HIRA: variants seen among roughly 807,000 people sequenced by gnomAD.
HIRA encodes the protein histone cell cycle regulator, also known as protein HIRA.
Under a neutral mutation model 126.6 loss-of-function variants are expected in HIRA, and 13 were observed. That is an observed-to-expected ratio of 0.10 (90% confidence interval 0.07 to 0.16). The LOEUF (loss-of-function observed/expected upper bound fraction) is 0.16. Ranked by LOEUF, HIRA falls within the 10% of genes least tolerant of loss-of-function variation. The pLI, the probability that HIRA is intolerant of heterozygous loss-of-function variation, is 1.00. For missense variants in HIRA, 834 were observed against 1,314.4 expected (o/e 0.63, Z 5.65); for synonymous variants, 511 against 520.0 (o/e 0.98, Z 0.24).
rs544694017 is a variant in HIRA, at chr22:19,360,092, C to T, written c.2086-608G>A. ...CTGGCACCAAATGGGCTCAGCCACA[C>T]GCGTGTGTGGGGAGCTGACCAACAG... is the stretch of plus-strand genomic sequence containing the variant. On this transcript the variant is annotated intron_variant, in intron 17 of 24. Coordinates refer to ENST00000263208, the MANE Select transcript of HIRA (RefSeq NM_003325.4). Among the ~76,000 whole-genome samples, 7 of 152,260 alleles carry T rather than the reference C, an allele frequency of 4.6e-5. No homozygotes were observed. In the South Asian group the frequency reaches 1.0e-3, roughly 23 times the overall value.
At chr22:19,420,124 C>T (rs2089432397) in intron 1 of HIRA, among the ~76,000 whole-genome samples, 1 of 151,626 alleles carries the variant, frequency 6.6e-6, no homozygotes, top group Non-Finnish European at 1.5e-5. Context: ...TTTAGGAGAC[C>T]TTAATCACTT....
At position 19,356,975 on chromosome 22, in the gene HIRA, T is replaced by A. The variant is rs781913337; in HGVS notation, c.2311A>T (p.Ile771Phe). The A allele has an allele frequency of 1.2e-5, 20 of 1,613,618 alleles. No homozygotes were observed. The highest frequency in any genetic ancestry group is 1.6e-5 in the Non-Finnish European group (19 of 1,179,930). ...STCGRRLLSP[I>F]LLPSPISTLH... ...GTAGAGATCGGGGATGGCAGGAGGATGGGAGAGAGGAGACGGCGACCACAG... is the reference window on the plus strand; with the variant it reads ...GTAGAGATCGGGGATGGCAGGAGGAAGGGAGAGAGGAGACGGCGACCACAG... Residue 771 changes from isoleucine (I) to phenylalanine (F), a missense_variant, in exon 19 of 25, where the codon ATC becomes TTC. Ile to Phe is a conservative substitution (Grantham distance 21). Transcript: ENST00000263208.
chr22:19,403,096 A>G (rs991466448), intron 5 of HIRA, among the ~76,000 whole-genome samples: 2 of 139,512 alleles, frequency 1.4e-5, no homozygotes, highest in African/African-American at 6.2e-5. Flanking sequence ...AGTGAGACAC[A>G]GTCTCAAAAA....
chr22:19,378,192 T>C lies in HIRA; in HGVS notation c.1416-126A>G, dbSNP rs533768465. ...TTTTCATGATAGAAAATCTGCAAAG[T>C]TACAGAAAAGTAAAAAGAAAATTAA... On this transcript the variant is annotated intron_variant, in intron 13 of 24. Coordinates refer to ENST00000263208, the MANE Select transcript of HIRA (RefSeq NM_003325.4). 7.6e-4 allele frequency: 474 copies of C among 623,596 alleles called. No homozygotes were observed. Among genetic ancestry groups the C allele is most frequent in the Non-Finnish European group, 1.1e-3 (424 of 400,072 alleles). The allele number at this position is 623,596 out of a possible 1,614,324, so 38.6% of individuals were successfully genotyped here.
chr22:19,347,807 T>C (rs1459060708), intron 24 of HIRA, among the ~76,000 whole-genome samples: 4 of 152,088 alleles, frequency 2.6e-5, no homozygotes, highest in African/African-American at 9.7e-5. Context: ...GGTGTAGTGG[T>C]GTGTGCCTGT....
At position 19,334,128 on chromosome 22, in the gene HIRA, G is replaced by A. The variant is rs554200083; in HGVS notation, c.2938-2572C>T. Among the ~76,000 whole-genome samples the A allele has an allele frequency of 1.1e-4, 16 of 151,556 alleles. No individual in the cohort carries two copies. In the South Asian group the frequency reaches 2.3e-3, roughly 22 times the overall value. On this transcript the variant is annotated intron_variant, in intron 24 of 24. Transcript: ENST00000263208. ...TAGCTGGGACTACAGGCGCCGGCCA[G>A]CACGCCTGGCTAATTTTTTTGTATT... is the stretch of plus-strand genomic sequence containing the variant.
At chr22:19,355,543 T>C (rs533981476) in intron 21 of HIRA, among the ~76,000 whole-genome samples, 14 of 152,314 alleles carry the variant, frequency 9.2e-5, no homozygotes, top group African/African-American at 2.9e-4. Context: ...AGGAGGACAG[T>C]GCTCCTGCAC....
intron 13 of HIRA, 83 bp downstream of exon 13, chr22:19,383,537 T>A (rs1310666569): frequency 4.5e-6 from 5 of 1,116,914 alleles, no homozygotes; most frequent in African/African-American, 1.5e-5. Context: ...CCCGTGAAGA[T>A]CCTCACTGTG....
chr22:19,356,180 C>T, intron 20 of HIRA, 50 bp downstream of exon 20: 2 of 1,538,592 alleles, frequency 1.3e-6, no homozygotes, highest in Non-Finnish European at 1.8e-6. Flanking sequence ...CAGCATCAGA[C>T]ATGAACTTGG....
chr22:19,366,699 T>A (rs1391848874), intron 15 of HIRA, among the ~76,000 whole-genome samples: 1 of 152,182 alleles, frequency 6.6e-6, no homozygotes, highest in Non-Finnish European at 1.5e-5. Context: ...GCAAAGAAAG[T>A]AGTTTCTTAA....
At position 19,331,292 on chromosome 22, in the gene HIRA, G is replaced by T; in HGVS notation, c.*148C>A. ...AGGACACAGGGCACATCTGCCCAGG[G>T]AGCTGGGCTGGCGCTGGTGCAGGAC... On this transcript the variant is annotated 3_prime_UTR_variant, in exon 25 of 25. Transcript: ENST00000263208. 1 of 1,575,188 alleles carries T rather than the reference G, an allele frequency of 6.3e-7. No homozygotes were observed. The highest frequency in any genetic ancestry group is 2.3e-5 in the East Asian group (1 of 43,696).
intron 11 of HIRA, among the ~76,000 whole-genome samples, chr22:19,385,945 C>A (rs977723088): frequency 2.0e-5 from 3 of 152,178 alleles, no homozygotes. Flanking sequence ...TTTTTATGGC[C>A]TCCCTTGTAT....
chr22:19,399,484 T>C (rs909051055), intron 5 of HIRA, among the ~76,000 whole-genome samples: 2 of 152,218 alleles, frequency 1.3e-5, no homozygotes, highest in African/African-American at 4.8e-5. Flanking sequence ...TCACTACTAT[T>C]AATTGACCTA....
intron 21 of HIRA, 121 bp downstream of exon 21, chr22:19,355,639 C>T: frequency 1.5e-6 from 1 of 678,594 alleles, no homozygotes; most frequent in South Asian, 1.7e-5. Flanking sequence ...GCCTGCACTC[C>T]AGGGCCTGAC....
At chr22:19,397,860 G>T in intron 6 of HIRA, 132 bp downstream of exon 6, 1 of 599,822 alleles carries the variant, frequency 1.7e-6, no homozygotes, top group South Asian at 2.2e-5. Flanking sequence ...AAGAAAAACT[G>T]ACAAGACACA....
chr22:19,393,550 G>T (rs2089199511), intron 8 of HIRA, among the ~76,000 whole-genome samples: 2 of 152,000 alleles, frequency 1.3e-5, no homozygotes, highest in Admixed American at 1.3e-4. Flanking sequence ...TAGAGACGGG[G>T]TTTCATCATG....
At chr22:19,383,765 T>A in intron 12 of HIRA, 60 bp from the exon 13 acceptor site, 1 of 1,310,190 alleles carries the variant, frequency 7.6e-7, no homozygotes. Flanking sequence ...TTCCAAATAT[T>A]AAAAAATAAA....
At chr22:19,361,423 G>T in intron 16 of HIRA, 82 bp from the exon 17 acceptor site, 1 of 1,183,368 alleles carries the variant, frequency 8.5e-7, no homozygotes, top group Non-Finnish European at 1.3e-6. Context: ...CCAGAAGTGA[G>T]GCTGAGCCTG....
intron 1 of HIRA, among the ~76,000 whole-genome samples, chr22:19,420,342 T>A (rs1489420545): frequency 6.7e-6 from 1 of 150,104 alleles, no homozygotes; most frequent in Non-Finnish European, 1.5e-5. Flanking sequence ...GGTGCAAGCC[T>A]GTAGTCTCAG....
Sources: allele counts gnomAD v4.1 joint callset (sites outside exome capture counted in the v4.1 genomes callset), GRCh38; gene constraint gnomAD v4.1.1; transcripts MANE v1.5; gene names NCBI Gene and HGNC (gene_info 2026-07-23, HGNC 2026-07-21).